ZMYND11: variants seen among roughly 807,000 people sequenced by gnomAD.
ZMYND11 encodes zinc finger MYND-type containing 11, also known as zinc finger MYND domain-containing protein 11.
In ZMYND11, 9 loss-of-function variants were observed where a neutral mutation model predicts 84.9. The observed-to-expected ratio is 0.11, with a 90% CI of 0.06 to 0.18. The LOEUF (loss-of-function observed/expected upper bound fraction) is 0.18, where lower values mean the gene tolerates loss of function less well. Ranked by LOEUF, ZMYND11 falls within the 10% of genes least tolerant of loss-of-function variation. The pLI is 1.00. For missense variants in ZMYND11, 409 were observed against 761.0 expected, an observed-to-expected ratio of 0.54 and a Z score of 5.44; for synonymous variants, 250 against 244.1, an observed-to-expected ratio of 1.02 and a Z score of -0.23.
chr10:212,884 C>T (rs1564392326), intron 3 of ZMYND11, among the ~76,000 whole-genome samples: 1 of 152,074 alleles, frequency 6.6e-6, no homozygotes, highest in Non-Finnish European at 1.5e-5. Context: ...TCCATTAGAA[C>T]ACTGGATCTT....
chr10:198,734 CA>C (rs371140763), intron 2 of ZMYND11, among the ~76,000 whole-genome samples: 2 of 152,292 alleles, frequency 1.3e-5, no homozygotes, highest in East Asian at 3.9e-4. Flanking sequence ...ACTTTACATA[CA>C]AATAGGTACT....
At chr10:186,864 C>G (rs915691902) in intron 2 of ZMYND11, among the ~76,000 whole-genome samples, 11 of 152,038 alleles carry the variant, frequency 7.2e-5, no homozygotes, top group African/African-American at 2.4e-4. Context: ...TAGCAGTAAT[C>G]ATTAGTTGTC....
chr10:153,667 A>G (rs183371613), intron 1 of ZMYND11, among the ~76,000 whole-genome samples: 89 of 152,326 alleles, frequency 5.8e-4, no homozygotes, highest in Non-Finnish European at 1.0e-3. Flanking sequence ...ATTATTCATC[A>G]TAGTTATGCA....
intron 1 of ZMYND11, among the ~76,000 whole-genome samples, chr10:171,136 T>G (rs981045717): frequency 6.6e-6 from 1 of 152,128 alleles, no homozygotes; most frequent in Non-Finnish European, 1.5e-5. Context: ...GTGCTTAATG[T>G]GTACGCACCT....
At chr10:194,645 T>C (rs1288938607) in intron 2 of ZMYND11, among the ~76,000 whole-genome samples, 1 of 152,248 alleles carries the variant, frequency 6.6e-6, no homozygotes, top group African/African-American at 2.4e-5. Context: ...TCATGGTGGT[T>C]GAAATTTGCA....
Position 180,940 on chromosome 10 carries a change from G to C in ZMYND11, c.116+812G>C, listed in dbSNP as rs76141915. ...GAAAATTGTCCACCCCCATCCCCTA[G>C]TTTCTCATGCTATTTATATGGGTAG... is the stretch of plus-strand genomic sequence containing the variant. On this transcript the variant is annotated intron_variant, in intron 2 of 14. Transcript: ENST00000381604. Among the ~76,000 whole-genome samples, 411 of 151,636 alleles carry C rather than the reference G, an allele frequency of 2.7e-3. 2 individuals are homozygous for C. The highest frequency in any genetic ancestry group is 9.7e-3 in the African/African-American group (400 of 41,312).
intron 3 of ZMYND11, among the ~76,000 whole-genome samples, chr10:217,139 C>A (rs919369779): frequency 1.3e-5 from 2 of 152,038 alleles, no homozygotes; most frequent in African/African-American, 2.4e-5. Flanking sequence ...TCAAACAGTT[C>A]TTCCACATAT....
At chr10:146,886 A>G (rs1839004841) in intron 1 of ZMYND11, among the ~76,000 whole-genome samples, 1 of 152,390 alleles carries the variant, frequency 6.6e-6, no homozygotes, top group South Asian at 2.1e-4. Context: ...CCTGCCTGCC[A>G]GCATGTAAGA....
chr10:138,235 G>C (rs893442619), intron 1 of ZMYND11, among the ~76,000 whole-genome samples: 2 of 146,938 alleles, frequency 1.4e-5, no homozygotes, highest in South Asian at 4.5e-4. Context: ...TCAGCCTCCC[G>C]GGTAGCTCGT....
At chr10:251,514 G>T (rs949069282) in intron 14 of ZMYND11, among the ~76,000 whole-genome samples, 2 of 152,154 alleles carry the variant, frequency 1.3e-5, no homozygotes, top group African/African-American at 2.4e-5. Flanking sequence ...CGTCAGATCT[G>T]CATGTGTCTA....
intron 1 of ZMYND11, among the ~76,000 whole-genome samples, chr10:156,401 G>A (rs1554759050): frequency 6.6e-6 from 1 of 152,140 alleles, no homozygotes; most frequent in Non-Finnish European, 1.5e-5. Flanking sequence ...AATTTTTAAT[G>A]CTTAAATCAC....
intron 1 of ZMYND11, among the ~76,000 whole-genome samples, chr10:173,745 A>C (rs1845923763): frequency 6.6e-6 from 1 of 152,184 alleles, no homozygotes; most frequent in Admixed American, 6.6e-5. Context: ...TTAAGGGCAA[A>C]AGACCTGGCT....
intron 2 of ZMYND11, among the ~76,000 whole-genome samples, chr10:193,556 C>T (rs1940990162): frequency 6.6e-6 from 1 of 152,192 alleles, no homozygotes; most frequent in African/African-American, 2.4e-5. Flanking sequence ...GTTAGTCATT[C>T]TAACAAAAAG....
At chr10:187,236 C>CAA (rs1041763271) in intron 2 of ZMYND11, among the ~76,000 whole-genome samples, 10 of 151,974 alleles carry the variant, frequency 6.6e-5, no homozygotes, top group Admixed American at 6.6e-4. Flanking sequence ...AAAACAAAAA[C>CAA]AAAACGAAAC....
At chr10:204,244 CAAT>C (rs1468884695) in intron 2 of ZMYND11, among the ~76,000 whole-genome samples, 1 of 152,086 alleles carries the variant, frequency 6.6e-6, no homozygotes, top group African/African-American at 2.4e-5. Context: ...GTCTTTCTAC[CAAT>C]AATGTGAAAT....
At chr10:150,246 C>CT (rs1361173077) in intron 1 of ZMYND11, among the ~76,000 whole-genome samples, 2 of 152,006 alleles carry the variant, frequency 1.3e-5, no homozygotes, top group Non-Finnish European at 2.9e-5. Context: ...TGGTCCTGGA[C>CT]TTTTTTTGGT....
chr10:178,652 G>A (rs1847183760), intron 1 of ZMYND11, among the ~76,000 whole-genome samples: 2 of 152,110 alleles, frequency 1.3e-5, no homozygotes, highest in African/African-American at 2.4e-5. Flanking sequence ...GTTTTCTTTA[G>A]AACTTGAATA....
chr10:197,865 T>C, intron 2 of ZMYND11: 1 of 543,192 alleles, frequency 1.8e-6, no homozygotes, highest in Non-Finnish European at 3.3e-6. Flanking sequence ...TTTTTCCAAC[T>C]ACAAAGGAAA....
At chr10:132,204 G>A (rs1048827576), upstream of ZMYND11, among the ~76,000 whole-genome samples, 1 of 151,278 alleles carries the variant, frequency 6.6e-6, no homozygotes, top group African/African-American at 2.4e-5. Flanking sequence ...CAACCCGTTC[G>A]GGTCCCCTTC....
Sources: allele counts gnomAD v4.1 joint callset (sites outside exome capture counted in the v4.1 genomes callset), GRCh38; gene constraint gnomAD v4.1.1; transcripts MANE v1.5; gene names NCBI Gene and HGNC (gene_info 2026-07-23, HGNC 2026-07-21).